Variants in TRIM66 observed in about 807,000 individuals in gnomAD.
The protein encoded by TRIM66 is tripartite motif-containing protein 66.
A neutral mutation model predicts 148.2 loss-of-function variants in TRIM66; 99 were observed. The ratio of observed to expected loss-of-function variants is 0.67; its 90% CI spans 0.57 to 0.79. TRIM66 has a LOEUF of 0.79. TRIM66 is among the 30% of genes least tolerant of loss of function. The pLI, the probability that TRIM66 is intolerant of heterozygous loss-of-function variation, is 0.00. For missense variants in TRIM66, 1,666 were observed against 1,697.9 expected, an observed-to-expected ratio of 0.98 and a Z score of 0.33; for synonymous variants, 616 against 635.9, an observed-to-expected ratio of 0.97 and a Z score of 0.47.
At chr11:8,635,140 T>G (rs1311847880) in intron 15 of TRIM66, among the ~76,000 whole-genome samples, 1 of 152,174 alleles carries the variant, frequency 6.6e-6, no homozygotes, top group African/African-American at 2.4e-5. Context: ...AGAAGCAATT[T>G]AACCTAGTCA....
chr11:8,643,238 T>G, intron 12 of TRIM66, 112 bp from the exon 13 acceptor site: 1 of 788,824 alleles, frequency 1.3e-6, no homozygotes, highest in Non-Finnish European at 2.0e-6. Flanking sequence ...CCCTTTAACC[T>G]CTGGTCATCC....
At chr11:8,624,035 C>T (rs1310467174) in intron 17 of TRIM66, among the ~76,000 whole-genome samples, 1 of 152,140 alleles carries the variant, frequency 6.6e-6, no homozygotes, top group Non-Finnish European at 1.5e-5. Context: ...ATGCTCTTTT[C>T]CCTATAACAT....
intron 5 of TRIM66, 45 bp downstream of exon 5, chr11:8,672,203 T>C (rs1406176390): frequency 1.1e-5 from 17 of 1,535,798 alleles, no homozygotes; most frequent in Middle Eastern, 1.7e-4. Flanking sequence ...CAGGCCATGT[T>C]CCTCTCCAGA....
chr11:8,672,247 C>T lies in TRIM66; in HGVS notation c.27+1G>A, dbSNP rs1282209727. ...CTCATGCCTCAGCCTCAGTTCCTCA[C>T]CTGGGACCAAAAAGAGAGTCTAGCC... On this transcript the variant is annotated splice_donor_variant, in intron 5 of 24. Coordinates refer to ENST00000646038, the MANE Select transcript of TRIM66 (RefSeq NM_001388022.1). LOFTEE classifies it high-confidence loss of function. 1 of 1,536,026 alleles carries T rather than the reference C, an allele frequency of 6.5e-7. No homozygotes were observed. Among genetic ancestry groups the T allele is most frequent in the African/African-American group, 1.4e-5 (1 of 73,042 alleles).
intron 4 of TRIM66, 86 bp downstream of exon 4, chr11:8,674,720 A>T (rs948026378): frequency 1.3e-5 from 2 of 152,208 alleles, no homozygotes; most frequent in African/African-American, 2.4e-5. Flanking sequence ...CAAAAAAATT[A>T]ATTTAATGAG....
chr11:8,659,465 G>A (rs532841410), intron 6 of TRIM66, among the ~76,000 whole-genome samples: 1 of 152,302 alleles, frequency 6.6e-6, no homozygotes, highest in South Asian at 2.1e-4. Flanking sequence ...TGAAGAACAA[G>A]GAATCAAGTG....
chr11:8,618,325 C>T (rs940717634), intron 24 of TRIM66, among the ~76,000 whole-genome samples: 1 of 152,230 alleles, frequency 6.6e-6, no homozygotes, highest in Non-Finnish European at 1.5e-5. Flanking sequence ...AGCAATACCT[C>T]TCCTTCCTTA....
rs761533171 is a variant in TRIM66 at position 8,640,650 on chromosome 11, C to T, written c.1725G>A (p.Gln575=). Residue 575 remains glutamine, a synonymous_variant, in exon 14 of 25, where the codon CAG becomes CAA. Coordinates refer to ENST00000646038, the MANE Select transcript of TRIM66 (RefSeq NM_001388022.1). The part of the protein sequence containing the change: ...QQGAHAQPTL[Q]TPSIQVQFGH... ...CAAACTGGACTTGGATAGAGGGTGT[C>T]TGTAAGGTGGGCTGGGCATGGGCTC... The T allele has an allele frequency of 6.4e-7, 1 of 1,551,554 alleles. No homozygotes were observed. Among genetic ancestry groups the T allele is most frequent in the Non-Finnish European group, 8.7e-7 (1 of 1,146,962 alleles).
rs2036277771 is a variant in TRIM66 at position 8,640,528 on chromosome 11, AGGGGAGGTGG to A, written c.1837_1846del (p.Pro613PhefsTer37). 1.7e-6 allele frequency: 1 copy of A among 592,866 alleles called. No individual in the cohort carries two copies. The highest frequency in any genetic ancestry group is 2.4e-6 in the Non-Finnish European group (1 of 416,690). The allele number at this position is 592,866 out of a possible 1,614,324, so 36.7% of individuals were successfully genotyped here. A position where few individuals can be genotyped will look rare whatever the true frequency, so the allele number is the denominator to read the frequency against. The stretch of plus-strand genomic sequence containing the variant: ...GTGTGGCTGCTGTGGGGGAGGGGGA[AGGGGAGGTGG>A]GGGATGGGGGAGGGGTGGTGGTGGA... On this transcript the variant is annotated frameshift_variant, in exon 14 of 25. Transcript: ENST00000646038. LOFTEE classifies it high-confidence loss of function.
chr11:8,650,000 G>A (rs10769938), intron 7 of TRIM66, 113 bp from the exon 8 acceptor site: 381,625 of 1,269,940 alleles, frequency 0.3, 60,551 homozygotes, highest in East Asian at 0.62. Context: ...CCACCAGTTT[G>A]GAGTGTAACC....
intron 15 of TRIM66, among the ~76,000 whole-genome samples, chr11:8,628,155 T>TC (rs1279754940): frequency 6.6e-6 from 1 of 152,046 alleles, no homozygotes; most frequent in East Asian, 1.9e-4. Context: ...TATTTTTTTT[T>TC]CTTTACATTT....
intron 6 of TRIM66, among the ~76,000 whole-genome samples, chr11:8,660,988 G>C (rs184923711): frequency 6.6e-6 from 1 of 152,340 alleles, no homozygotes; most frequent in African/African-American, 2.4e-5. Flanking sequence ...TGGAGGCCAT[G>C]CTAAGTGTCT....
At chr11:8,660,837 G>A (rs2038199958) in intron 6 of TRIM66, among the ~76,000 whole-genome samples, 1 of 152,206 alleles carries the variant, frequency 6.6e-6, no homozygotes, top group Admixed American at 6.5e-5. Flanking sequence ...GGCATTTCAG[G>A]AGGAAAGAAC....
upstream of TRIM66, chr11:8,682,867 G>A (rs986025339): frequency 6.9e-6 from 11 of 1,586,120 alleles, no homozygotes; most frequent in African/African-American, 6.8e-5. Flanking sequence ...AGACCCCTAA[G>A]CTGTATTCCC....
intron 8 of TRIM66, among the ~76,000 whole-genome samples, chr11:8,648,759 C>T (rs1030063618): frequency 3.3e-4 from 51 of 152,356 alleles, no homozygotes; most frequent in African/African-American, 1.2e-3. Context: ...AGAAATAGCA[C>T]ACCATCAAGC....
At chr11:8,649,337 T>A (rs1178422778) in intron 8 of TRIM66, among the ~76,000 whole-genome samples, 10 of 150,826 alleles carry the variant, frequency 6.6e-5, no homozygotes, top group African/African-American at 2.4e-4. Flanking sequence ...AGACTCCATC[T>A]CAAAAAAAAA....
In TRIM66 at chr11:8,640,332, C is replaced by A; in HGVS notation, c.2043G>T (p.Gln681His). 1 of 1,551,744 alleles carries A rather than the reference C, an allele frequency of 6.4e-7. No homozygotes were observed. Among genetic ancestry groups the A allele is most frequent in the Non-Finnish European group, 8.7e-7 (1 of 1,147,042 alleles). The change falls in exon 14 of 25, where the codon CAG becomes CAT. Residue 681 changes from glutamine (Q) to histidine (H), a missense_variant. Around this residue, in one of 3 missense-constraint regions of TRIM66, gnomAD observed 1,431 missense variants for 1,412.4 expected, o/e 1.01. Coordinates refer to ENST00000646038, the MANE Select transcript of TRIM66 (RefSeq NM_001388022.1). ...QAQQPSLQLS[Q>H]TKSPQHLQQT... ...GCTGAAGATGCTGAGGAGATTTGGT[C>A]TGACTCAGTTGCAGGCTGGGCTGTT...
At chr11:8,652,406 C>T (rs1484953283) in intron 6 of TRIM66, among the ~76,000 whole-genome samples, 1 of 152,084 alleles carries the variant, frequency 6.6e-6, no homozygotes, top group Non-Finnish European at 1.5e-5. Context: ...GCCTCCCTGC[C>T]CGCTCATCTA....
Position 8,617,737 on chromosome 11 carries a change from C to A in TRIM66, c.*207G>T. ...GGTAATAATAAATACCTTCCTCTTT[C>A]CTGTTTATTACTGAAATCTTCTCTG... On this transcript the variant is annotated 3_prime_UTR_variant, in exon 25 of 25. Transcript: ENST00000646038. The A allele has an allele frequency of 1.6e-5, 9 of 555,166 alleles. No individual in the cohort carries two copies. The allele number at this position is 555,166 out of a possible 1,614,324, so 34.4% of individuals were successfully genotyped here.
Sources: gnomAD v4.1 joint callset for allele counts (sites outside exome capture counted in the v4.1 genomes callset) on GRCh38, gnomAD v4.1.1 for gene constraint, gnomAD v4.1.1 regional missense constraint, MANE v1.5 for transcripts, NCBI Gene and HGNC (gene_info 2026-07-23, HGNC 2026-07-21) for gene names.